RGL1: variants seen among roughly 807,000 people sequenced by gnomAD.
The protein encoded by RGL1 is ral guanine nucleotide dissociation stimulator-like 1.
In RGL1, 24 loss-of-function variants were observed where a neutral mutation model predicts 95.2. The ratio of observed to expected loss-of-function variants is 0.25; its 90% confidence interval spans 0.18 to 0.35. The LOEUF is 0.35. Among genes scored for constraint, RGL1 ranks in the 10% least tolerant of loss-of-function variants. The pLI, the probability that RGL1 is intolerant of heterozygous loss-of-function variation, is 1.00. For synonymous variants in RGL1, 329 were observed against 344.9 expected (o/e 0.95, Z 0.51); for missense variants, 715 against 936.3 (o/e 0.76, Z 3.08).
chr1:183,682,998 T>C (rs570280925), intron 1 of RGL1, among the ~76,000 whole-genome samples: 2 of 126,514 alleles, frequency 1.6e-5, no homozygotes, highest in Non-Finnish European at 3.2e-5. Flanking sequence ...AACCCCTTCT[T>C]TTTTTTTTTG....
chr1:183,782,524 G>A (rs1014730511), intron 2 of RGL1, among the ~76,000 whole-genome samples: 1 of 152,274 alleles, frequency 6.6e-6, no homozygotes, highest in East Asian at 1.9e-4. Context: ...CAACTATTGT[G>A]TCTTCATAAC....
Position 183,926,425 on chromosome 1 carries a change from T to C in RGL1, c.*133T>C, listed in dbSNP as rs1221373771. On this transcript the variant is annotated 3_prime_UTR_variant, in exon 18 of 18. Coordinates refer to ENST00000360851, the MANE Select transcript of RGL1 (RefSeq NM_001297671.3). ...GCAGATATTTATTGAGTTCCTGTGG[T>C]GTGCAAAGCATTATGATAGGCACCG... 1.5e-6 allele frequency: 1 copy of C among 677,804 alleles called. No homozygotes were observed. Among genetic ancestry groups the C allele is most frequent in the Non-Finnish European group, 2.4e-6 (1 of 421,746 alleles). The allele number at this position is 677,804 out of a possible 1,614,324, so 42.0% of individuals were successfully genotyped here. A position where few individuals can be genotyped will look rare whatever the true frequency, so the allele number is the denominator to read the frequency against.
At chr1:183,732,035 C>T (rs1314037364) in intron 1 of RGL1, among the ~76,000 whole-genome samples, 1 of 152,134 alleles carries the variant, frequency 6.6e-6, no homozygotes, top group African/African-American at 2.4e-5. Context: ...CTTCTTCCTT[C>T]CTGTGACAGC....
intron 1 of RGL1, among the ~76,000 whole-genome samples, chr1:183,713,584 T>C (rs936078185): frequency 6.6e-6 from 1 of 152,076 alleles, no homozygotes; most frequent in African/African-American, 2.4e-5. Flanking sequence ...CTGATGAATG[T>C]GATTAAAGGC....
chr1:183,924,294 G>T (rs1572612288), intron 17 of RGL1, among the ~76,000 whole-genome samples: 2 of 152,238 alleles, frequency 1.3e-5, no homozygotes, highest in East Asian at 3.9e-4. Context: ...TGATAAAAAA[G>T]GATGAGTTCA....
At position 183,888,716 on chromosome 1, in the gene RGL1, C is replaced by G. The variant is rs151144581; in HGVS notation, c.1055+139C>G. The G allele has an allele frequency of 2.0e-4, 122 of 609,758 alleles. No homozygotes were observed. In the East Asian group the frequency reaches 2.1e-3, roughly 10 times the overall value. The allele number at this position is 609,758 out of a possible 1,614,324, so 37.8% of individuals were successfully genotyped here. A position where few individuals can be genotyped will look rare whatever the true frequency, so the allele number is the denominator to read the frequency against. ...TCTGTGTGTTTCAGGCAGGGTGCAT[C>G]TTACACATAATCATTAATGACTTTT... On this transcript the variant is annotated intron_variant, in intron 8 of 17. Transcript: ENST00000360851.
chr1:183,820,531 C>T (rs1662402384), intron 2 of RGL1, among the ~76,000 whole-genome samples: 1 of 152,122 alleles, frequency 6.6e-6, no homozygotes, highest in African/African-American at 2.4e-5. Flanking sequence ...TGGAATTCAG[C>T]TGGAGTGGAT....
At position 183,747,394 on chromosome 1, in the gene RGL1, G is replaced by C. The variant is rs549753906; in HGVS notation, c.132+5105G>C. The stretch of plus-strand genomic sequence containing the variant: ...CTCATTGTATACAATGACCCCTGAT[G>C]ATGAGCGTTTTTTCATGTTTTTTGG... On this transcript the variant is annotated intron_variant, in intron 2 of 18. Transcript: ENST00000304685. Among the ~76,000 whole-genome samples the C allele has an allele frequency of 7.9e-5, 12 of 152,090 alleles. 1 individual carries two copies. In the South Asian group the frequency reaches 2.5e-3, roughly 32 times the overall value.
chr1:183,891,008 G>T (rs1024277699), intron 8 of RGL1, among the ~76,000 whole-genome samples: 32 of 152,066 alleles, frequency 2.1e-4, no homozygotes, highest in African/African-American at 7.5e-4. Context: ...ATCTTATTTG[G>T]TTATCACTTT....
intron 14 of RGL1, among the ~76,000 whole-genome samples, chr1:183,910,330 T>C (rs1668570904): frequency 6.6e-6 from 1 of 152,218 alleles, no homozygotes; most frequent in East Asian, 1.9e-4. Context: ...ACTCCTGAAC[T>C]CAGGCAGTCA....
intron 17 of RGL1, among the ~76,000 whole-genome samples, chr1:183,924,710 C>T (rs957223074): frequency 4.0e-5 from 6 of 150,726 alleles, no homozygotes; most frequent in Non-Finnish European, 8.9e-5. Flanking sequence ...TTTGAGAGGC[C>T]GAGGCAGGTA....
intron 2 of RGL1, among the ~76,000 whole-genome samples, chr1:183,760,986 C>A (rs1434987325): frequency 6.6e-6 from 1 of 152,220 alleles, no homozygotes; most frequent in Non-Finnish European, 1.5e-5. Flanking sequence ...TATCTTTGGG[C>A]TCCACTTCTA....
rs2102660061 is a variant in RGL1 at position 183,888,377 on chromosome 1, T to C, written c.952-97T>C. On this transcript the variant is annotated intron_variant, in intron 7 of 17. Coordinates refer to ENST00000360851, the MANE Select transcript of RGL1 (RefSeq NM_001297671.3). ...ACAGCTGCCTATTTTGTGGTAAGAA[T>C]TCATAGCAGCTGTGATACCTCTAAA... 5.4e-6 allele frequency: 4 copies of C among 738,242 alleles called. No homozygotes were observed. In the Admixed American group the frequency reaches 6.6e-5, roughly 12 times the overall value. The allele number at this position is 738,242 out of a possible 1,614,324, so 45.7% of individuals were successfully genotyped here. A position where few individuals can be genotyped will look rare whatever the true frequency, so the allele number is the denominator to read the frequency against.
chr1:183,786,340 G>C (rs1416768803), intron 2 of RGL1, among the ~76,000 whole-genome samples: 1 of 152,170 alleles, frequency 6.6e-6, no homozygotes, highest in Non-Finnish European at 1.5e-5. Flanking sequence ...GGAATTTGAG[G>C]ATACAGTGAA....
At chr1:183,723,604 G>A (rs943823295) in intron 1 of RGL1, among the ~76,000 whole-genome samples, 2 of 152,204 alleles carry the variant, frequency 1.3e-5, no homozygotes, top group Admixed American at 1.3e-4. Context: ...GCACGTGGAG[G>A]AAGCATTTAG....
chr1:183,685,112 A>G (rs1653488027), intron 1 of RGL1, among the ~76,000 whole-genome samples: 1 of 152,232 alleles, frequency 6.6e-6, no homozygotes, highest in Non-Finnish European at 1.5e-5. Context: ...ATTTAGAGTA[A>G]TGGAAATTGG....
At chr1:183,790,942 A>ACACT (rs1660415162) in intron 2 of RGL1, among the ~76,000 whole-genome samples, 1 of 151,760 alleles carries the variant, frequency 6.6e-6, no homozygotes, top group Non-Finnish European at 1.5e-5. Flanking sequence ...ACACACACAC[A>ACACT]CAATCTCTGG....
At chr1:183,841,114 T>C (rs1664031671) in intron 2 of RGL1, among the ~76,000 whole-genome samples, 1 of 152,214 alleles carries the variant, frequency 6.6e-6, no homozygotes, top group Admixed American at 6.5e-5. Flanking sequence ...TACCTTTATA[T>C]GTCTAGTACC....
chr1:183,925,348 A>T (rs1669556908), intron 17 of RGL1, among the ~76,000 whole-genome samples: 1 of 152,142 alleles, frequency 6.6e-6, no homozygotes, highest in Admixed American at 6.5e-5. Flanking sequence ...GTTGGGGAAA[A>T]GGGGAGGGAG....
Sources: gnomAD v4.1 joint callset for allele counts (sites outside exome capture counted in the v4.1 genomes callset) on GRCh38, gnomAD v4.1.1 for gene constraint, MANE v1.5 for transcripts, NCBI Gene and HGNC (gene_info 2026-07-23, HGNC 2026-07-21) for gene names.